The following MKLN1 variants were observed in gnomAD, a reference collection of about 807,000 sequenced individuals.
MKLN1 encodes muskelin.
In MKLN1, 18 loss-of-function variants were observed where a neutral mutation model predicts 99.0. The ratio of observed to expected loss-of-function variants is 0.18; its 90% CI spans 0.13 to 0.27. The LOEUF is 0.27. MKLN1 is among the 10% of genes least tolerant of loss of function. MKLN1 has a pLI of 1.00. For missense variants in MKLN1, 621 were observed against 875.9 expected, an observed-to-expected ratio of 0.71 and a Z score of 3.67; for synonymous variants, 288 against 293.2, an observed-to-expected ratio of 0.98 and a Z score of 0.18.
At chr7:131,460,773 C>G (rs1017490706) in intron 12 of MKLN1, among the ~76,000 whole-genome samples, 36 of 152,218 alleles carry the variant, frequency 2.4e-4, no homozygotes, top group Non-Finnish European at 5.0e-4. Flanking sequence ...CAGATCAAGC[C>G]ATAGTTTGCC....
intron 1 of MKLN1, among the ~76,000 whole-genome samples, chr7:131,330,472 A>G (rs996771624): frequency 1.3e-5 from 2 of 152,218 alleles, no homozygotes; most frequent in African/African-American, 2.4e-5. Flanking sequence ...CGCAATCCCA[A>G]GAGGAATCTC....
chr7:131,391,098 A>G (rs1584688471), intron 4 of MKLN1, among the ~76,000 whole-genome samples: 1 of 151,998 alleles, frequency 6.6e-6, no homozygotes, highest in East Asian at 1.9e-4. Flanking sequence ...TAAGGAAAAT[A>G]TGGAACTAAA....
intron 12 of MKLN1, among the ~76,000 whole-genome samples, chr7:131,451,835 T>A (rs1397840920): frequency 1.3e-5 from 2 of 152,204 alleles, no homozygotes; most frequent in Admixed American, 6.5e-5. Context: ...TTGAAACTTA[T>A]GTGTAGAAGA....
chr7:131,180,421 G>A (rs979119349), intron 2 of MKLN1, among the ~76,000 whole-genome samples: 2 of 152,038 alleles, frequency 1.3e-5, no homozygotes, highest in African/African-American at 4.8e-5. Flanking sequence ...GTTTAAGGCC[G>A]GGCGCAGTGG....
intron 3 of MKLN1, among the ~76,000 whole-genome samples, chr7:131,234,741 G>A (rs1267394960): frequency 6.6e-6 from 1 of 152,148 alleles, no homozygotes; most frequent in African/African-American, 2.4e-5. Context: ...GGAGATCCAA[G>A]GAACTTTGCT....
At chr7:131,132,939 AAAAAAAAAAAAGAAAGAAAG>A in intron 1 of MKLN1, among the ~76,000 whole-genome samples, 1 of 121,456 alleles carries the variant, frequency 8.2e-6, no homozygotes, top group South Asian at 2.9e-4. Flanking sequence ...AAAAAAAAAA[AAAAAAAAAAAAGAAAGAAAG>A]AAAGAAAGAA....
At chr7:131,149,190 AT>A (rs1353469745) in intron 2 of MKLN1, among the ~76,000 whole-genome samples, 2 of 151,828 alleles carry the variant, frequency 1.3e-5, no homozygotes, top group Non-Finnish European at 2.9e-5. Flanking sequence ...GTGGATTTCT[AT>A]TTTCTTGGCT....
At chr7:131,220,027 T>A (rs2116450464) in intron 3 of MKLN1, among the ~76,000 whole-genome samples, 1 of 152,252 alleles carries the variant, frequency 6.6e-6, no homozygotes, top group South Asian at 2.1e-4. Flanking sequence ...CCTTCCGACC[T>A]TCCCCCCTCA....
chr7:131,468,155 A>C (rs1435774805), intron 15 of MKLN1, among the ~76,000 whole-genome samples: 6 of 152,206 alleles, frequency 3.9e-5, no homozygotes, highest in Non-Finnish European at 4.4e-5. Context: ...TGCCAACAGA[A>C]TTTCTTGATG....
intron 1 of MKLN1, among the ~76,000 whole-genome samples, chr7:131,113,146 G>A (rs1795222531): frequency 6.6e-6 from 1 of 152,232 alleles, no homozygotes; most frequent in Admixed American, 6.5e-5. Context: ...GAGCTCATAA[G>A]AATGGTGCCT....
intron 3 of MKLN1, among the ~76,000 whole-genome samples, chr7:131,284,093 G>T (rs1273463715): frequency 6.6e-6 from 1 of 152,094 alleles, no homozygotes; most frequent in African/African-American, 2.4e-5. Flanking sequence ...ATCATGCCCT[G>T]GTGTACGTCT....
rs1269387295 is a variant in MKLN1 at position 131,375,998 on chromosome 7, G to A, written c.168+505G>A. On this transcript the variant is annotated intron_variant, in intron 2 of 17. Coordinates refer to ENST00000352689, the MANE Select transcript of MKLN1 (RefSeq NM_013255.5). ...AATATTTATAATGTATTAGGCACAC[G>A]TATGTCCATATCCTTGAAGAAATTA... Among the ~76,000 whole-genome samples the A allele has an allele frequency of 2.7e-5, 4 of 149,154 alleles. No homozygotes were observed. In the South Asian group the frequency reaches 6.3e-4, roughly 23 times the overall value.
chr7:131,394,421 G>C (rs997139686), intron 4 of MKLN1, among the ~76,000 whole-genome samples: 1 of 151,994 alleles, frequency 6.6e-6, no homozygotes, highest in Admixed American at 6.5e-5. Context: ...AGATCATCAA[G>C]CATTAGATTC....
intron 3 of MKLN1, among the ~76,000 whole-genome samples, chr7:131,314,288 C>T (rs13238585): frequency 0.45 from 68,211 of 152,056 alleles, 16,820 homozygotes; most frequent in Admixed American, 0.59. Context: ...CACAGGAAGA[C>T]AGAAGACCCC....
intron 2 of MKLN1, among the ~76,000 whole-genome samples, chr7:131,180,015 T>C (rs1414021549): frequency 6.6e-6 from 1 of 152,130 alleles, no homozygotes; most frequent in Non-Finnish European, 1.5e-5. Flanking sequence ...CCTCAACCTC[T>C]TGAAGTGTTA....
intron 1 of MKLN1, among the ~76,000 whole-genome samples, chr7:131,328,706 A>T (rs920179968): frequency 6.6e-6 from 1 of 152,218 alleles, no homozygotes; most frequent in African/African-American, 2.4e-5. Flanking sequence ...CACGTTTCCC[A>T]GTCCGGAAAC....
intron 3 of MKLN1, among the ~76,000 whole-genome samples, chr7:131,211,280 CACTTATTTTCTTCCTAAAT>C (rs895233746): frequency 6.6e-6 from 1 of 152,138 alleles, no homozygotes; most frequent in Non-Finnish European, 1.5e-5. Flanking sequence ...TTTGCCAACC[CACTTATTTTCTTCCTAAAT>C]ACTTTATTAT....
intron 3 of MKLN1, among the ~76,000 whole-genome samples, chr7:131,242,230 C>T (rs1797414746): frequency 6.6e-6 from 1 of 152,158 alleles, no homozygotes; most frequent in African/African-American, 2.4e-5. Context: ...AAAGTATTTT[C>T]CATCTCCGTG....
intron 17 of MKLN1, among the ~76,000 whole-genome samples, chr7:131,486,976 G>T (rs1200216963): frequency 6.6e-6 from 1 of 152,042 alleles, no homozygotes; most frequent in African/African-American, 2.4e-5. Flanking sequence ...CTAGCATAGG[G>T]CCTGGTACAT....
Sources: gnomAD v4.1 joint callset for allele counts (sites outside exome capture counted in the v4.1 genomes callset) on GRCh38, gnomAD v4.1.1 for gene constraint, MANE v1.5 for transcripts, NCBI Gene and HGNC (gene_info 2026-07-23, HGNC 2026-07-21) for gene names.